C11orf16: variants seen among roughly 807,000 people sequenced by gnomAD.
C11orf16 encodes chromosome 11 open reading frame 16, also known as uncharacterized protein C11orf16.
In C11orf16, 38 loss-of-function variants were observed where a neutral mutation model predicts 45.1. That is an observed-to-expected ratio of 0.84 (90% confidence interval 0.65 to 1.10). C11orf16 has a LOEUF of 1.10. Among genes scored for constraint, C11orf16 ranks in the 50% least tolerant of loss-of-function variants. The pLI is 0.00. For synonymous variants in C11orf16, 221 were observed against 222.0 expected (o/e 1.00, Z 0.04); for missense variants, 583 against 569.5 (o/e 1.02, Z -0.24).
chr11:8,927,421 T>G (rs1248200453), intron 3 of C11orf16: 5 of 559,422 alleles, frequency 8.9e-6, no homozygotes, highest in Non-Finnish European at 1.6e-5. Context: ...GATCACTTCC[T>G]GCCTCTGCCT....
Position 8,929,515 on chromosome 11 carries a change from T to C in C11orf16, c.186A>G (p.Pro62=), listed in dbSNP as rs1243496463. ...ATGCTGGGTCGGCAACGTGGAGACA[T>C]GGGCAAGAAGAGGCATGCCTGGAAA... The part of the protein sequence containing the change: ...KPLARHASSC[P]CLHVADPAWQ... The change falls in exon 3 of 7, where the codon CCA becomes CCG. Residue 62 remains proline (P), a synonymous_variant. Coordinates refer to ENST00000326053, the MANE Select transcript of C11orf16 (RefSeq NM_020643.3). 1 of 1,613,414 alleles carries C rather than the reference T, an allele frequency of 6.2e-7. No individual in the cohort carries two copies. Among genetic ancestry groups the C allele is most frequent in the East Asian group, 2.2e-5 (1 of 44,876 alleles).
intron 4 of C11orf16, 80 bp from the exon 5 acceptor site, chr11:8,926,187 T>A: frequency 1.6e-5 from 7 of 438,338 alleles, no homozygotes; most frequent in Non-Finnish European, 2.0e-5. Flanking sequence ...TTTCTTTTCT[T>A]TTTTTTTTTT....
At chr11:8,926,130 A>T in intron 4 of C11orf16, 23 bp from the exon 5 acceptor site, 13 of 1,488,586 alleles carry the variant, frequency 8.7e-6, no homozygotes, top group East Asian at 2.4e-5. Flanking sequence ...AAATGGCAAC[A>T]TTTTGTTATA....
rs2064628802 is a variant in C11orf16, at chr11:8,928,328, GAAGT to G, written c.324+1045_324+1048del. ...GACTCTGAAAAAAAGAAAAAAAAAA[GAAGT>G]GAGTAGCCACTGAAGTACAGGCCAG... On this transcript the variant is annotated intron_variant, in intron 3 of 6. Transcript: ENST00000326053. Among the ~76,000 whole-genome samples, 6 of 150,608 alleles carry G rather than the reference GAAGT, an allele frequency of 4.0e-5. No individual in the cohort carries two copies. The South Asian group carries it at 1.3e-3, about 32-fold the overall frequency.
Position 8,920,532 on chromosome 11 carries a change from T to C in C11orf16, c.*23-82A>G, listed in dbSNP as rs1589930419. On this transcript the variant is annotated intron_variant, in intron 6 of 6. Coordinates refer to ENST00000326053, the MANE Select transcript of C11orf16 (RefSeq NM_020643.3). ...AAAAGTCACTGATTTTAAAAAGTCA[T>C]TGATTGTGGCCGAGTGCGGTGGCTC... 1.5e-5 allele frequency: 9 copies of C among 610,142 alleles called. No homozygotes were observed. In the South Asian group the frequency reaches 1.8e-4, roughly 12 times the overall value. The allele number at this position is 610,142 out of a possible 1,614,324, so 37.8% of individuals were successfully genotyped here.
chr11:8,929,662 A>G (rs757400413), intron 2 of C11orf16, 129 bp from the exon 3 acceptor site: 1 of 917,000 alleles, frequency 1.1e-6, no homozygotes, highest in Non-Finnish European at 1.6e-6. Context: ...ATCCATATGG[A>G]AAGTGGCAAT....
At chr11:8,928,199 C>T (rs2064627631) in intron 3 of C11orf16, among the ~76,000 whole-genome samples, 1 of 152,046 alleles carries the variant, frequency 6.6e-6, no homozygotes, top group African/African-American at 2.4e-5. Context: ...TGAGCAACCG[C>T]ACCTGGCCAA....
In C11orf16 at chr11:8,926,980, G is replaced by A. The variant is rs748443976; in HGVS notation, c.519C>T (p.Gly173=). 1 of 1,613,966 alleles carries A rather than the reference G, an allele frequency of 6.2e-7. No homozygotes were observed. Among genetic ancestry groups the A allele is most frequent in the Non-Finnish European group, 8.5e-7 (1 of 1,180,006 alleles). The part of the protein sequence containing the change: ...WEPGQQQYGP[G]TVLLGLEMRD... ...TCATCTCCAAGCCCAAAAGAACAGT[G>A]CCAGGGCCATACTGCTGTTGGCCTG... Residue 173 remains glycine (G), a synonymous_variant, in exon 4 of 7, where the codon GGC becomes GGT. Coordinates refer to ENST00000326053, the MANE Select transcript of C11orf16 (RefSeq NM_020643.3).
chr11:8,926,568 C>T (rs1223702231), intron 4 of C11orf16, among the ~76,000 whole-genome samples: 2 of 152,116 alleles, frequency 1.3e-5, no homozygotes, highest in African/African-American at 4.8e-5. Context: ...TCAGTAGAAG[C>T]CTCATTCTGT....
At chr11:8,922,563 A>G (rs1188527651) in intron 5 of C11orf16, among the ~76,000 whole-genome samples, 2 of 152,230 alleles carry the variant, frequency 1.3e-5, no homozygotes, top group East Asian at 1.9e-4. Flanking sequence ...CCCTAGGACT[A>G]TTAGGATCTA....
intron 2 of C11orf16, among the ~76,000 whole-genome samples, chr11:8,931,209 C>CT (rs34939195): frequency 9.7e-5 from 14 of 144,716 alleles, no homozygotes; most frequent in African/African-American, 3.3e-4. Flanking sequence ...GAGCAAGTCT[C>CT]TTTTTTTTTT....
At chr11:8,927,320 G>A (rs1259627097) in intron 3 of C11orf16, 146 bp from the exon 4 acceptor site, 6 of 642,296 alleles carry the variant, frequency 9.3e-6, no homozygotes, top group Admixed American at 2.6e-5. Flanking sequence ...CAGGGCAGAT[G>A]CTGCTTCAAG....
chr11:8,932,483 T>C (rs1376405372), intron 1 of C11orf16, among the ~76,000 whole-genome samples, 157 bp from the exon 2 acceptor site: 1 of 152,142 alleles, frequency 6.6e-6, no homozygotes, highest in African/African-American at 2.4e-5. Context: ...GTTTCCTCTT[T>C]GAGTCACCTG....
Position 8,932,300 on chromosome 11 carries a change from G to A in C11orf16, c.9C>T (p.Ser3=). Reference sequence around the variant, plus strand: ...GCAAAGGCATCCTGGGCCCCGTGGAGGATTCCATGGCCTTCAGAGGATCCA... The same window carrying A: ...GCAAAGGCATCCTGGGCCCCGTGGAAGATTCCATGGCCTTCAGAGGATCCA... ME[S]STGPRMPLLK... The change falls in exon 2 of 7, where the codon TCC becomes TCT. Residue 3 remains serine, a synonymous_variant. Coordinates refer to ENST00000326053, the MANE Select transcript of C11orf16 (RefSeq NM_020643.3). 6.2e-7 allele frequency: 1 copy of A among 1,602,684 alleles called. No homozygotes were observed. The highest frequency in any genetic ancestry group is 1.1e-5 in the South Asian group (1 of 89,226).
At chr11:8,925,065 C>T (rs978133747) in intron 5 of C11orf16, among the ~76,000 whole-genome samples, 2 of 152,164 alleles carry the variant, frequency 1.3e-5, no homozygotes, top group Non-Finnish European at 2.9e-5. Flanking sequence ...TTCTATGCTT[C>T]AGTGCATCAA....
At chr11:8,932,604 A>C (rs1449891183) in intron 1 of C11orf16, among the ~76,000 whole-genome samples, 11 of 152,170 alleles carry the variant, frequency 7.2e-5, no homozygotes, top group Non-Finnish European at 1.5e-5. Context: ...CTGTGTGCTC[A>C]CTTAACCTCT....
At chr11:8,927,237 G>A (rs1260244941) in intron 3 of C11orf16, 63 bp from the exon 4 acceptor site, 7 of 1,323,472 alleles carry the variant, frequency 5.3e-6, no homozygotes, top group Non-Finnish European at 7.4e-6. Flanking sequence ...GGAGCACCCA[G>A]GTTCCCTACG....
At position 8,927,135 on chromosome 11, in the gene C11orf16, G is replaced by A. The variant is rs907080275; in HGVS notation, c.364C>T (p.Pro122Ser). 9 of 1,613,964 alleles carry A rather than the reference G, an allele frequency of 5.6e-6. No homozygotes were observed. The Admixed American group carries it at 1.2e-4, about 21-fold the overall frequency. Residue 122 changes from proline to serine, a missense_variant, in exon 4 of 7, where the codon CCT (proline) becomes TCT (serine). Pro to Ser is a moderately conservative substitution (Grantham distance 74, BLOSUM62 -1). Coordinates refer to ENST00000326053, the MANE Select transcript of C11orf16 (RefSeq NM_020643.3). ...GGCAGCTTTGGGCCTGCGACAAGAGGAGCCTCGAATTCCACAAGCAGGACC... is the reference window on the plus strand; with the variant it reads ...GGCAGCTTTGGGCCTGCGACAAGAGAAGCCTCGAATTCCACAAGCAGGACC... ...QGVLLVEFEA[P>S]LVAGPKLPAQ...
At chr11:8,921,661 T>C (rs560069876) in intron 5 of C11orf16, 146 bp from the exon 6 acceptor site, 13 of 807,832 alleles carry the variant, frequency 1.6e-5, no homozygotes, top group Admixed American at 1.5e-4. Context: ...GGTCTTGCTA[T>C]TATCACCCAG....
Sources: allele counts gnomAD v4.1 joint callset (sites outside exome capture counted in the v4.1 genomes callset), GRCh38; gene constraint gnomAD v4.1.1; transcripts MANE v1.5; gene names NCBI Gene and HGNC (gene_info 2026-07-23, HGNC 2026-07-21).